Variants in DCP2 observed in about 807,000 individuals in gnomAD.
DCP2 encodes m7GpppN-mRNA hydrolase.
Under a neutral mutation model 56.1 loss-of-function variants are expected in DCP2, and 30 were observed. That is an observed-to-expected ratio of 0.53 (90% confidence interval 0.40 to 0.73). The LOEUF is 0.73. Ranked by LOEUF, DCP2 falls within the 30% of genes least tolerant of loss-of-function variation. DCP2 has a pLI of 0.00. For missense variants in DCP2, 533 were observed against 502.7 expected (o/e 1.06, Z -0.58); for synonymous variants, 197 against 163.3 (o/e 1.21, Z -1.57).
At chr5:112,989,351 A>G (rs1247700389) in intron 2 of DCP2, among the ~76,000 whole-genome samples, 1 of 152,154 alleles carries the variant, frequency 6.6e-6, no homozygotes, top group African/African-American at 2.4e-5. Flanking sequence ...TAAGAAACAC[A>G]TATATTTGTA....
chr5:113,001,374 T>C lies in DCP2; in HGVS notation c.603T>C (p.Ser201=). ...TGTTTCAGAACATTGAGTGGTTCTCTATTGAGAAATTGCCTTGTCATAGAA... is the reference window on the plus strand; with the variant it reads ...TGTTTCAGAACATTGAGTGGTTCTCCATTGAGAAATTGCCTTGTCATAGAA... ...RREIRNIEWF[S]IEKLPCHRND... is the part of the protein sequence containing the mutation. Residue 201 remains serine, a synonymous_variant, in exon 6 of 11, where the codon TCT becomes TCC. Transcript: ENST00000389063. 1 of 1,613,218 alleles carries C rather than the reference T, an allele frequency of 6.2e-7. No homozygotes were observed. The highest frequency in any genetic ancestry group is 8.5e-7 in the Non-Finnish European group (1 of 1,179,830).
intron 1 of DCP2, among the ~76,000 whole-genome samples, 176 bp from the exon 2 acceptor site, chr5:112,985,657 CCT>C (rs1271204939): frequency 6.6e-6 from 1 of 152,130 alleles, no homozygotes; most frequent in Non-Finnish European, 1.5e-5. Context: ...TGTGGTGTCT[CCT>C]CTCTAAGACT....
chr5:112,991,662 G>A (rs995620714), intron 2 of DCP2, among the ~76,000 whole-genome samples: 31 of 152,028 alleles, frequency 2.0e-4, no homozygotes, highest in African/African-American at 7.5e-4. Flanking sequence ...CTTTCTCTTA[G>A]CAATATATTT....
At chr5:113,010,004 C>G (rs1749610097) in intron 9 of DCP2, among the ~76,000 whole-genome samples, 5 of 142,026 alleles carry the variant, frequency 3.5e-5, no homozygotes, top group Middle Eastern at 3.7e-3. Flanking sequence ...CCTTGAACTT[C>G]TGGGCTCAAG....
chr5:113,009,640 A>G (rs947190432), intron 9 of DCP2, among the ~76,000 whole-genome samples: 1 of 146,770 alleles, frequency 6.8e-6, no homozygotes, highest in Non-Finnish European at 1.5e-5. Context: ...AACGTGGAAA[A>G]CAAATATTGA....
In DCP2 at chr5:112,980,296, T is replaced by G. The variant is rs1265798147; in HGVS notation, c.53+3310T>G. Reference sequence around the variant, plus strand: ...TGGGTATAGTAAGGCCACACTAGTGTTAAAAGAAGAAAGGTATTTTCTGGC... The same window carrying G: ...TGGGTATAGTAAGGCCACACTAGTGGTAAAAGAAGAAAGGTATTTTCTGGC... On this transcript the variant is annotated intron_variant, in intron 1 of 10. Transcript: ENST00000389063. 2.6e-5 allele frequency among the ~76,000 whole-genome samples: 4 copies of G among 152,204 alleles called. No homozygotes were observed. The East Asian group carries it at 7.7e-4, about 29-fold the overall frequency.
chr5:112,990,880 G>A (rs1479497971), intron 2 of DCP2, among the ~76,000 whole-genome samples: 1 of 120,366 alleles, frequency 8.3e-6, no homozygotes, highest in East Asian at 3.1e-4. Context: ...TGAATTTAAT[G>A]TGATTTTTTT....
intron 2 of DCP2, among the ~76,000 whole-genome samples, chr5:112,989,205 C>T (rs139238052): frequency 2.9e-4 from 44 of 152,196 alleles, no homozygotes; most frequent in Non-Finnish European, 5.4e-4. Flanking sequence ...TACCCACTTA[C>T]GATTTGGAGG....
At chr5:112,986,179 T>A (rs1174614235) in intron 2 of DCP2, among the ~76,000 whole-genome samples, 193 bp downstream of exon 2, 1 of 152,146 alleles carries the variant, frequency 6.6e-6, no homozygotes, top group East Asian at 1.9e-4. Context: ...TTAATACTCA[T>A]AATAATCATA....
At chr5:112,984,703 A>AAATATATATATAT in intron 1 of DCP2, 4 of 64,858 alleles carry the variant, frequency 6.2e-5, no homozygotes, top group African/African-American at 2.4e-4. Context: ...AAAAAAAAAA[A>AAATATATATATAT]ATATATATAT....
At chr5:113,005,698 T>G (rs1348393198) in intron 8 of DCP2, among the ~76,000 whole-genome samples, 1 of 152,220 alleles carries the variant, frequency 6.6e-6, no homozygotes, top group Non-Finnish European at 1.5e-5. Context: ...AGATAACTTG[T>G]GTACCAATGT....
chr5:112,992,009 G>T (rs1477749878), intron 2 of DCP2, 112 bp from the exon 3 acceptor site: 11 of 1,464,278 alleles, frequency 7.5e-6, no homozygotes, highest in Non-Finnish European at 9.2e-6. Context: ...AATGAGGGAA[G>T]ATTTGAATAA....
chr5:112,981,273 G>T lies in DCP2; in HGVS notation c.53+4287G>T, dbSNP rs1747992369. On this transcript the variant is annotated intron_variant, in intron 1 of 10. Transcript: ENST00000389063. Reference sequence around the variant, plus strand: ...AATCCTCCTGCCTCAACCTCCCAAAGTGTTGAGATTACAGGTGTGAACTAC... The same window carrying T: ...AATCCTCCTGCCTCAACCTCCCAAATTGTTGAGATTACAGGTGTGAACTAC... Among the ~76,000 whole-genome samples the T allele has an allele frequency of 2.0e-5, 3 of 151,932 alleles. No homozygotes were observed. The South Asian group carries it at 6.2e-4, about 32-fold the overall frequency.
chr5:113,010,207 A>ATTTTTTTT (rs766144641), intron 9 of DCP2, among the ~76,000 whole-genome samples: 1 of 117,932 alleles, frequency 8.5e-6, no homozygotes, highest in Non-Finnish European at 1.8e-5. Context: ...TAATTCTTGT[A>ATTTTTTTT]TTTTTTTTTT....
intron 8 of DCP2, among the ~76,000 whole-genome samples, chr5:113,007,207 A>G (rs1390632494): frequency 6.6e-6 from 1 of 152,168 alleles, no homozygotes; most frequent in Non-Finnish European, 1.5e-5. Flanking sequence ...CTGCTTATTA[A>G]TAATTTAAAG....
At position 113,001,365 on chromosome 5, in the gene DCP2, G is replaced by T. The variant is rs1374539239; in HGVS notation, c.594G>T (p.Glu198Asp). Reference protein sequence around the residue: ...PKTRREIRNIEWFSIEKLPCH... With the variant: ...PKTRREIRNIDWFSIEKLPCH... Reference sequence around the variant, plus strand: ...TTTCTTCTGTGTTTCAGAACATTGAGTGGTTCTCTATTGAGAAATTGCCTT... The same window carrying T: ...TTTCTTCTGTGTTTCAGAACATTGATTGGTTCTCTATTGAGAAATTGCCTT... Residue 198 changes from glutamate (E) to aspartate (D), a missense_variant, in exon 6 of 11, where the codon GAG becomes GAT. Glu to Asp is a conservative substitution (Grantham distance 45, BLOSUM62 2). Coordinates refer to ENST00000389063, the MANE Select transcript of DCP2 (RefSeq NM_152624.6). The T allele has an allele frequency of 6.2e-7, 1 of 1,611,470 alleles. No individual in the cohort carries two copies. The highest frequency in any genetic ancestry group is 1.1e-5 in the South Asian group (1 of 90,116).
At chr5:113,001,811 TAGA>T (rs1430128077) in intron 7 of DCP2, 137 bp downstream of exon 7, 13 of 792,388 alleles carry the variant, frequency 1.6e-5, no homozygotes, top group African/African-American at 8.8e-5. Flanking sequence ...TCACAGATAA[TAGA>T]AGATTTTTTT....
intron 3 of DCP2, 26 bp from the exon 4 acceptor site, chr5:112,992,646 G>A (rs773705044): frequency 1.2e-5 from 18 of 1,525,638 alleles, no homozygotes; most frequent in Non-Finnish European, 1.6e-5. Flanking sequence ...GGGCAAGTTT[G>A]ATTTTTACTT....
In DCP2 at chr5:112,999,102, G is replaced by A. The variant is rs530643689; in HGVS notation, c.433-1982G>A. The stretch of plus-strand genomic sequence containing the variant: ...TTTCTTCAGTACTTTCTTTTATTAA[G>A]CATCTAGTTAGATACTGTTGGTAAC... On this transcript the variant is annotated intron_variant, in intron 4 of 10. Transcript: ENST00000389063. 4.6e-5 allele frequency among the ~76,000 whole-genome samples: 7 copies of A among 152,130 alleles called. No homozygotes were observed. The South Asian group carries it at 1.5e-3, about 32-fold the overall frequency.
Sources: gnomAD v4.1 joint callset for allele counts (sites outside exome capture counted in the v4.1 genomes callset) on GRCh38, gnomAD v4.1.1 for gene constraint, MANE v1.5 for transcripts, NCBI Gene and HGNC (gene_info 2026-07-23, HGNC 2026-07-21) for gene names.